The following ELP4 variants were observed in gnomAD, a reference collection of about 807,000 sequenced individuals.
ELP4 encodes elongator acetyltransferase complex subunit 4.
In ELP4, 51 loss-of-function variants were observed where a neutral mutation model predicts 48.9. That is an observed-to-expected ratio of 1.04 (90% CI 0.83 to 1.32). The LOEUF is 1.32. Among genes scored for constraint, ELP4 ranks in the 40% most tolerant of loss-of-function variants. The pLI is 0.00. For synonymous variants in ELP4, 210 were observed against 189.2 expected (o/e 1.11, Z -0.90); for missense variants, 519 against 514.6 (o/e 1.01, Z -0.08).
chr11:31,707,209 C>T (rs983891834), intron 9 of ELP4: 34 of 383,142 alleles, frequency 8.9e-5, no homozygotes, highest in South Asian at 2.9e-4. Context: ...CAGTGTAATA[C>T]GTAATATTTA....
At chr11:31,701,522 T>C (rs1015477224) in intron 9 of ELP4, among the ~76,000 whole-genome samples, 11 of 151,906 alleles carry the variant, frequency 7.2e-5, no homozygotes, top group African/African-American at 2.4e-4. Flanking sequence ...GGCACAGATA[T>C]TGTATCCTAT....
intron 9 of ELP4, among the ~76,000 whole-genome samples, chr11:31,748,243 C>G (rs1011078565): frequency 3.1e-5 from 4 of 130,562 alleles, no homozygotes; most frequent in African/African-American, 5.6e-5. Context: ...AAACCAAGAT[C>G]TTTTTTTTTT....
At chr11:31,622,525 T>C (rs764894697) in intron 5 of ELP4, among the ~76,000 whole-genome samples, 5 of 151,760 alleles carry the variant, frequency 3.3e-5, no homozygotes, top group Non-Finnish European at 7.4e-5. Context: ...TCTTCTTTTG[T>C]ATAATACTAC....
intron 9 of ELP4, among the ~76,000 whole-genome samples, chr11:31,775,645 G>A (rs971930123): frequency 4.6e-5 from 7 of 151,998 alleles, no homozygotes; most frequent in Non-Finnish European, 8.8e-5. Flanking sequence ...GACCAGCCTG[G>A]ACAACATAGT....
At chr11:31,754,955 A>G (rs981858554) in intron 9 of ELP4, among the ~76,000 whole-genome samples, 2 of 152,188 alleles carry the variant, frequency 1.3e-5, no homozygotes, top group African/African-American at 4.8e-5. Context: ...CTCTGAGCTC[A>G]GTTTTCCAGT....
At chr11:31,567,546 A>G (rs1957132608) in intron 3 of ELP4, among the ~76,000 whole-genome samples, 1 of 152,198 alleles carries the variant, frequency 6.6e-6, no homozygotes, top group African/African-American at 2.4e-5. Flanking sequence ...TGTAAAATGC[A>G]TCCTGATTTT....
chr11:31,574,091 A>G (rs1957228773), intron 3 of ELP4, among the ~76,000 whole-genome samples: 1 of 152,230 alleles, frequency 6.6e-6, no homozygotes. Context: ...AACACAAATG[A>G]GGTATTTTTT....
chr11:31,742,541 C>T (rs1038636286), intron 9 of ELP4, among the ~76,000 whole-genome samples: 8 of 152,204 alleles, frequency 5.3e-5, no homozygotes, highest in African/African-American at 9.7e-5. Context: ...ATCAGACTAA[C>T]GGCTGATCTC....
At chr11:31,644,290 A>G (rs1047822893) in intron 7 of ELP4, among the ~76,000 whole-genome samples, 1 of 151,908 alleles carries the variant, frequency 6.6e-6, no homozygotes, top group African/African-American at 2.4e-5. Flanking sequence ...CCTTACTGAA[A>G]TGTTCCGTAC....
chr11:31,660,279 A>G (rs534392938), intron 9 of ELP4, among the ~76,000 whole-genome samples: 2 of 152,100 alleles, frequency 1.3e-5, no homozygotes, highest in South Asian at 4.1e-4. Flanking sequence ...CTTGTACTGT[A>G]GCTATGGTGT....
At chr11:31,695,218 C>T (rs1308612210) in intron 9 of ELP4, among the ~76,000 whole-genome samples, 6 of 152,162 alleles carry the variant, frequency 3.9e-5, no homozygotes, top group Non-Finnish European at 5.9e-5. Context: ...TGAGAGAGGG[C>T]ATCCCTGTCT....
intron 3 of ELP4, among the ~76,000 whole-genome samples, chr11:31,580,074 G>A (rs909611570): frequency 5.3e-5 from 8 of 152,156 alleles, no homozygotes; most frequent in Non-Finnish European, 1.2e-4. Context: ...GAGGTAAGCA[G>A]GCTAGAGAGG....
intron 3 of ELP4, among the ~76,000 whole-genome samples, chr11:31,554,313 C>T (rs952688725): frequency 3.9e-5 from 6 of 152,044 alleles, no homozygotes; most frequent in African/African-American, 7.2e-5. Flanking sequence ...GGGACTGCTG[C>T]GTTAAAGGAT....
chr11:31,524,979 A>C (rs778986143), intron 2 of ELP4, among the ~76,000 whole-genome samples: 2 of 152,188 alleles, frequency 1.3e-5, no homozygotes, highest in Non-Finnish European at 2.9e-5. Context: ...CCCTGTCTCA[A>C]AAAGAAATTA....
At chr11:31,718,623 T>G (rs957368971) in intron 9 of ELP4, among the ~76,000 whole-genome samples, 3 of 152,206 alleles carry the variant, frequency 2.0e-5, no homozygotes, top group Non-Finnish European at 2.9e-5. Context: ...GACTGTCCAC[T>G]GGGACCTCAA....
intron 3 of ELP4, among the ~76,000 whole-genome samples, chr11:31,563,134 T>A (rs1396231546): frequency 6.6e-6 from 1 of 152,158 alleles, no homozygotes; most frequent in Non-Finnish European, 1.5e-5. Context: ...TACCAAAACC[T>A]GGAAGGATCA....
In ELP4 at chr11:31,783,689, T is replaced by A. The variant is rs1302578848; in HGVS notation, c.*165T>A. On this transcript the variant is annotated 3_prime_UTR_variant, in exon 10 of 10. Transcript: ENST00000640961. ...CTCATTTTTTAACTTTTTACAGAAC[T>A]AGCACAGCAGAAATACTTTTAAATT... The A allele has an allele frequency of 1.5e-5, 9 of 596,480 alleles. No individual in the cohort carries two copies. The East Asian group carries it at 2.7e-4, about 18-fold the overall frequency. 36.9% of individuals were successfully genotyped at this position (596,480 alleles called of 1,614,324 possible). A position where few individuals can be genotyped will look rare whatever the true frequency, so the allele number is the denominator to read the frequency against.
chr11:31,720,741 A>C (rs1413141137), intron 9 of ELP4, among the ~76,000 whole-genome samples: 1 of 152,224 alleles, frequency 6.6e-6, no homozygotes, highest in Non-Finnish European at 1.5e-5. Context: ...TACTGTGCAC[A>C]ATCCTTGCTC....
At chr11:31,678,648 C>T (rs1315868805) in intron 9 of ELP4, among the ~76,000 whole-genome samples, 1 of 151,530 alleles carries the variant, frequency 6.6e-6, no homozygotes, top group Non-Finnish European at 1.5e-5. Flanking sequence ...TTTGTTTATT[C>T]GTTCACTTAC....
Sources: gnomAD v4.1 joint callset for allele counts (sites outside exome capture counted in the v4.1 genomes callset) on GRCh38, gnomAD v4.1.1 for gene constraint, MANE v1.5 for transcripts, NCBI Gene and HGNC (gene_info 2026-07-23, HGNC 2026-07-21) for gene names.